The following CRY1 variants were observed in gnomAD, a reference collection of about 807,000 sequenced individuals.
CRY1 encodes the protein cryptochrome-1.
Under a neutral mutation model 76.0 loss-of-function variants are expected in CRY1, and 45 were observed. The observed-to-expected ratio is 0.59, with a 90% confidence interval of 0.47 to 0.76. CRY1 has a LOEUF of 0.76. Ranked by LOEUF, CRY1 falls within the 30% of genes least tolerant of loss-of-function variation. The pLI, the probability that CRY1 is intolerant of heterozygous loss-of-function variation, is 0.00. For missense variants in CRY1, 587 were observed against 716.4 expected, an observed-to-expected ratio of 0.82 and a Z score of 2.06; for synonymous variants, 248 against 244.0, an observed-to-expected ratio of 1.02 and a Z score of -0.15.
chr12:107,092,491 C>A lies in CRY1; in HGVS notation c.158+313G>T, dbSNP rs530158078. 2.0e-5 allele frequency among the ~76,000 whole-genome samples: 3 copies of A among 152,284 alleles called. No individual in the cohort carries two copies. The East Asian group carries it at 5.8e-4, about 29-fold the overall frequency. On this transcript the variant is annotated intron_variant, in intron 1 of 12. Coordinates refer to ENST00000008527, the MANE Select transcript of CRY1 (RefSeq NM_004075.5). Reference sequence around the variant, plus strand: ...GGCCAAGGGAATCCATATACAATGGCCACTAAGGACAGGAAAGGTGTTTCT... The same window carrying A: ...GGCCAAGGGAATCCATATACAATGGACACTAAGGACAGGAAAGGTGTTTCT...
In CRY1 at chr12:107,005,156, A is replaced by G. The variant is rs767241684; in HGVS notation, c.360T>C (p.Ala120=). The change falls in exon 3 of 13, where the codon GCT becomes GCC. Residue 120 remains alanine (A), a synonymous_variant. Coordinates refer to ENST00000008527, the MANE Select transcript of CRY1 (RefSeq NM_004075.5). ...DAAIKKLATE[A]GVEVIVRISH... is the part of the protein sequence containing the mutation. Reference sequence around the variant, plus strand: ...AAATTCTTACAATGACTTCTACTCCAGCTTCAGTTGCCAGTTTCTTAATAG... The same window carrying G: ...AAATTCTTACAATGACTTCTACTCCGGCTTCAGTTGCCAGTTTCTTAATAG... 12 of 1,613,428 alleles carry G rather than the reference A, an allele frequency of 7.4e-6. No homozygotes were observed. Among genetic ancestry groups the G allele is most frequent in the Non-Finnish European group, 9.3e-6 (11 of 1,179,876 alleles).
chr12:107,014,561 G>A (rs183981826), intron 2 of CRY1, among the ~76,000 whole-genome samples: 4 of 142,094 alleles, frequency 2.8e-5, no homozygotes, highest in South Asian at 4.9e-4. Context: ...ATTGATTCCC[G>A]TTCCTCTTTA....
rs1953034421 is a variant in CRY1, at chr12:107,060,600, C to T, written c.158+32204G>A. Among the ~76,000 whole-genome samples, 3 of 152,202 alleles carry T rather than the reference C, an allele frequency of 2.0e-5. No homozygotes were observed. In the South Asian group the frequency reaches 6.2e-4, roughly 31 times the overall value. ...AACAATCTTAGAAAAGTTAAATATC[C>T]TACCCAGGTCACACATGTTGTTAGT... On this transcript the variant is annotated intron_variant, in intron 1 of 12. Coordinates refer to ENST00000008527, the MANE Select transcript of CRY1 (RefSeq NM_004075.5).
At chr12:107,018,176 T>C (rs1473029275) in intron 2 of CRY1, among the ~76,000 whole-genome samples, 1 of 152,252 alleles carries the variant, frequency 6.6e-6, no homozygotes, top group Non-Finnish European at 1.5e-5. Flanking sequence ...TAAATTTTAC[T>C]GTTGAAAAAT....
At chr12:107,054,524 T>G (rs897902936) in intron 1 of CRY1, among the ~76,000 whole-genome samples, 2 of 150,892 alleles carry the variant, frequency 1.3e-5, no homozygotes, top group African/African-American at 4.9e-5. Flanking sequence ...TCCAAATACT[T>G]TGGTAATTAT....
At chr12:107,009,990 CAAAAT>C in intron 2 of CRY1, among the ~76,000 whole-genome samples, 1 of 151,918 alleles carries the variant, frequency 6.6e-6, no homozygotes, top group Non-Finnish European at 1.5e-5. Context: ...TGATATAACT[CAAAAT>C]AAAGCCATCT....
intron 1 of CRY1, among the ~76,000 whole-genome samples, chr12:107,079,680 T>C (rs1434312688): frequency 6.6e-6 from 1 of 152,110 alleles, no homozygotes; most frequent in African/African-American, 2.4e-5. Context: ...TGCTTCTCTC[T>C]GCTTGGAATT....
At chr12:107,026,926 T>C (rs1378922196) in intron 1 of CRY1, among the ~76,000 whole-genome samples, 1 of 152,140 alleles carries the variant, frequency 6.6e-6, no homozygotes, top group Non-Finnish European at 1.5e-5. Flanking sequence ...CTTTGAACTA[T>C]GATTTGAAGG....
At chr12:107,020,781 A>G (rs1232049291) in intron 2 of CRY1, among the ~76,000 whole-genome samples, 2 of 152,174 alleles carry the variant, frequency 1.3e-5, no homozygotes, top group Admixed American at 6.5e-5. Context: ...AAATGGACTA[A>G]TACAGTAATA....
Position 107,005,266 on chromosome 12 carries a change from G to A in CRY1, c.268-18C>T, listed in dbSNP as rs771443849. ...TTCCATTCCTAAAGTAAGAGAAAGG[G>A]GAACAATGTACACCAATTGTAATAG... On this transcript the variant is annotated intron_variant, in intron 2 of 12. Transcript: ENST00000008527. The A allele has an allele frequency of 5.0e-6, 8 of 1,596,558 alleles. No homozygotes were observed. Among genetic ancestry groups the A allele is most frequent in the Non-Finnish European group, 6.8e-6 (8 of 1,172,106 alleles).
chr12:107,040,399 C>G (rs1952785210), intron 1 of CRY1, among the ~76,000 whole-genome samples: 1 of 151,272 alleles, frequency 6.6e-6, no homozygotes, highest in East Asian at 1.9e-4. Flanking sequence ...GATTTTTCTG[C>G]CCCAGCCTCC....
intron 1 of CRY1, among the ~76,000 whole-genome samples, chr12:107,053,339 G>A (rs1487813363): frequency 6.6e-6 from 1 of 151,464 alleles, no homozygotes; most frequent in Non-Finnish European, 1.5e-5. Flanking sequence ...TTTTTGAGAC[G>A]GAGTTTCACT....
chr12:107,053,070 T>C, intron 1 of CRY1, among the ~76,000 whole-genome samples: 1 of 152,138 alleles, frequency 6.6e-6, no homozygotes, highest in South Asian at 2.1e-4. Flanking sequence ...GCCCATATAA[T>C]TTAATCAACA....
At chr12:107,054,414 A>G (rs1253607947) in intron 1 of CRY1, among the ~76,000 whole-genome samples, 1 of 151,670 alleles carries the variant, frequency 6.6e-6, no homozygotes, top group Non-Finnish European at 1.5e-5. Flanking sequence ...TCTAGTTATT[A>G]GAAAGAAATT....
chr12:107,052,405 T>C (rs1402078616), intron 1 of CRY1, among the ~76,000 whole-genome samples: 1 of 152,198 alleles, frequency 6.6e-6, no homozygotes, highest in Non-Finnish European at 1.5e-5. Flanking sequence ...CTAAAGACTG[T>C]ACTAGATATT....
chr12:107,026,209 G>A (rs540060511), intron 1 of CRY1, among the ~76,000 whole-genome samples: 1 of 36,350 alleles, frequency 2.8e-5, no homozygotes, highest in South Asian at 1.3e-3. Context: ...TCCTCCTAAT[G>A]GATTTCAAAT....
intron 1 of CRY1, among the ~76,000 whole-genome samples, chr12:107,080,659 TAAAAA>T (rs1953311271): frequency 6.7e-6 from 1 of 150,362 alleles, no homozygotes; most frequent in Non-Finnish European, 1.5e-5. Context: ...TAAAAAAAAA[TAAAAA>T]AGAAAAAAAG....
At chr12:107,028,497 A>G (rs998747299) in intron 1 of CRY1, among the ~76,000 whole-genome samples, 2 of 152,188 alleles carry the variant, frequency 1.3e-5, no homozygotes, top group Admixed American at 1.3e-4. Flanking sequence ...ATATTTTGCA[A>G]TGCCCTCTTT....
In CRY1 at chr12:106,995,295, A is replaced by G. The variant is rs549272059; in HGVS notation, c.1585+1999T>C. On this transcript the variant is annotated intron_variant, in intron 10 of 12. Transcript: ENST00000008527. ...AGTGCTTTTGTCCCCTTCTCCCAAA[A>G]CTAATTCTTGGAGGATAAAATACAT... Among the ~76,000 whole-genome samples the G allele has an allele frequency of 6.0e-4, 91 of 152,270 alleles. 1 individual carries two copies. Among genetic ancestry groups the G allele is most frequent in the African/African-American group, 2.1e-3 (87 of 41,548 alleles).
Sources: allele counts gnomAD v4.1 joint callset (sites outside exome capture counted in the v4.1 genomes callset), GRCh38; gene constraint gnomAD v4.1.1; transcripts MANE v1.5; gene names NCBI Gene and HGNC (gene_info 2026-07-23, HGNC 2026-07-21).